Variants in DNA2 observed in about 807,000 individuals in gnomAD.
The protein encoded by DNA2 is DNA replication ATP-dependent helicase/nuclease DNA2.
A neutral mutation model predicts 119.1 loss-of-function variants in DNA2; 101 were observed. The observed-to-expected ratio is 0.85, with a 90% CI of 0.72 to 1.00. DNA2 has a LOEUF of 1.00. DNA2 is among the 50% of genes least tolerant of loss of function. The pLI is 0.00. For missense variants in DNA2, 1,121 were observed against 1,255.5 expected (o/e 0.89, Z 1.62); for synonymous variants, 366 against 424.4 (o/e 0.86, Z 1.69).
chr10:68,417,087 T>C (rs1391962580), intron 19 of DNA2, among the ~76,000 whole-genome samples: 1 of 151,750 alleles, frequency 6.6e-6, no homozygotes, highest in Non-Finnish European at 1.5e-5. Context: ...CTACAAAATA[T>C]ACAAAAATCA....
At position 68,455,474 on chromosome 10, in the gene DNA2, T is replaced by A. The variant is rs568327333; in HGVS notation, c.719+3630A>T. On this transcript the variant is annotated intron_variant, in intron 5 of 20. Transcript: ENST00000358410. The stretch of plus-strand genomic sequence containing the variant: ...AATCTATTCACTCTAGCTTTTTTCT[T>A]AGTGTAGGGAGCTGGTGGCAAATTT... Among the ~76,000 whole-genome samples the A allele has an allele frequency of 1.6e-4, 25 of 152,280 alleles. No individual in the cohort carries two copies. In the East Asian group the frequency reaches 4.2e-3, roughly 26 times the overall value.
chr10:68,471,483 G>A (rs2052380247), intron 1 of DNA2, among the ~76,000 whole-genome samples: 1 of 152,168 alleles, frequency 6.6e-6, no homozygotes, highest in African/African-American at 2.4e-5. Flanking sequence ...AAAAGCCTAC[G>A]GCGGTTGCAA....
At chr10:68,431,732 T>G (rs2051823762) in intron 13 of DNA2, 130 bp downstream of exon 13, 2 of 618,956 alleles carry the variant, frequency 3.2e-6, no homozygotes, top group South Asian at 2.4e-5. Flanking sequence ...CTCATCATTC[T>G]AAAAAGTTCA....
chr10:68,422,109 A>G (rs921800423), intron 17 of DNA2, 116 bp downstream of exon 17: 3 of 812,568 alleles, frequency 3.7e-6, no homozygotes, highest in Non-Finnish European at 3.7e-6. Context: ...CACCACGCCC[A>G]GCCTAGTTTT....
intron 18 of DNA2, chr10:68,419,468 T>A (rs1448592047): frequency 2.0e-6 from 1 of 500,238 alleles, no homozygotes; most frequent in African/African-American, 2.0e-5. Context: ...ACTAAAACAG[T>A]GCACACACAC....
chr10:68,470,922 C>T (rs1280692895), intron 1 of DNA2, among the ~76,000 whole-genome samples: 1 of 152,206 alleles, frequency 6.6e-6, no homozygotes, highest in Non-Finnish European at 1.5e-5. Flanking sequence ...CAATCCTTTA[C>T]AGAGTAATTC....
chr10:68,457,725 A>G lies in DNA2; in HGVS notation c.719+1379T>C, dbSNP rs139025029. Among the ~76,000 whole-genome samples, 935 of 150,956 alleles carry G rather than the reference A, an allele frequency of 6.2e-3. 10 individuals are homozygous for G. The highest frequency in any genetic ancestry group is 0.022 in the African/African-American group (889 of 41,340). ...ATATTTCCCCTATAAAATTATAACA[A>G]TGCCACTTTGAGAAAAAAAAAAAAA... On this transcript the variant is annotated intron_variant, in intron 5 of 20. Coordinates refer to ENST00000358410, the MANE Select transcript of DNA2 (RefSeq NM_001080449.3).
intron 6 of DNA2, among the ~76,000 whole-genome samples, chr10:68,446,823 T>C (rs2052046311): frequency 2.0e-5 from 3 of 151,998 alleles, no homozygotes; most frequent in East Asian, 1.9e-4. Flanking sequence ...TAGTAGAAGG[T>C]TGGTTACCAG....
intron 9 of DNA2, among the ~76,000 whole-genome samples, chr10:68,440,172 C>T (rs551674100): frequency 2.6e-4 from 39 of 151,346 alleles, no homozygotes; most frequent in African/African-American, 9.0e-4. Context: ...GGTGTGGTGG[C>T]ACGTGCCTGT....
intron 2 of DNA2, 135 bp from the exon 3 acceptor site, chr10:68,468,441 TA>T (rs953044590): frequency 0.028 from 11,755 of 415,598 alleles, no homozygotes; most frequent in East Asian, 0.038. Context: ...TCTGGGTCTT[TA>T]AAAAAAAAAA....
rs7894184 is a variant in DNA2 at position 68,452,866 on chromosome 10, G to A, written c.720-2619C>T. The stretch of plus-strand genomic sequence containing the variant: ...CCCAAAGTGCTGGGATTACAGTTAT[G>A]AGCCACCATGCGCGGCCACTATATG... On this transcript the variant is annotated intron_variant, in intron 5 of 20. Transcript: ENST00000358410. 7.0e-3 allele frequency among the ~76,000 whole-genome samples: 1,023 copies of A among 146,440 alleles called. 22 individuals carry two copies. The highest frequency in any genetic ancestry group is 0.025 in the African/African-American group (983 of 39,700).
At chr10:68,471,682 T>TCCCTGGG (rs1320686661) in intron 1 of DNA2, 109 bp downstream of exon 1, 2 of 1,346,368 alleles carry the variant, frequency 1.5e-6, no homozygotes, top group Non-Finnish European at 2.0e-6. Flanking sequence ...CTGCACCGGG[T>TCCCTGGG]CCCTGGGCCC....
intron 10 of DNA2, 26 bp from the exon 11 acceptor site, chr10:68,432,536 G>A: frequency 8.0e-7 from 1 of 1,243,192 alleles, no homozygotes; most frequent in Non-Finnish European, 1.1e-6. Flanking sequence ...AAATATACAT[G>A]AATGCTCGCC....
chr10:68,450,262 A>G lies in DNA2; in HGVS notation c.720-15T>C. Reference sequence around the variant, plus strand: ...TATCACTTGGCCTGAAAAAAAAAAAAGCACAAAAACACTTAATTAGAACTC... The same window carrying G: ...TATCACTTGGCCTGAAAAAAAAAAAGGCACAAAAACACTTAATTAGAACTC... On this transcript the variant is annotated splice_polypyrimidine_tract_variant and intron_variant, in intron 5 of 20. Coordinates refer to ENST00000358410, the MANE Select transcript of DNA2 (RefSeq NM_001080449.3). 2 of 1,493,336 alleles carry G rather than the reference A, an allele frequency of 1.3e-6. No individual in the cohort carries two copies. Among genetic ancestry groups the G allele is most frequent in the Non-Finnish European group, 1.8e-6 (2 of 1,097,160 alleles). 92.5% of individuals were successfully genotyped at this position (1,493,336 alleles called of 1,614,324 possible).
At chr10:68,463,853 A>G (rs2052292781) in intron 4 of DNA2, among the ~76,000 whole-genome samples, 1 of 152,206 alleles carries the variant, frequency 6.6e-6, no homozygotes, top group Non-Finnish European at 1.5e-5. Context: ...CAGCTTACCA[A>G]GACTGACAGA....
At position 68,471,933 on chromosome 10, in the gene DNA2, G is replaced by A. The variant is rs759267685; in HGVS notation, c.-69C>T. 3 of 1,613,562 alleles carry A rather than the reference G, an allele frequency of 1.9e-6. No individual in the cohort carries two copies. The South Asian group carries it at 3.3e-5, about 18-fold the overall frequency. On this transcript the variant is annotated 5_prime_UTR_variant, in exon 1 of 21. Coordinates refer to ENST00000358410, the MANE Select transcript of DNA2 (RefSeq NM_001080449.3). The stretch of plus-strand genomic sequence containing the variant: ...AACCGGGGGTAACACAGAAAGCTTA[G>A]AAAAGGGAAAAAGGCGCGAGCCTGC...
intron 20 of DNA2, among the ~76,000 whole-genome samples, chr10:68,416,162 G>A (rs2051586565): frequency 6.6e-6 from 1 of 152,112 alleles, no homozygotes; most frequent in South Asian, 2.1e-4. Flanking sequence ...GTGAAGTTAG[G>A]CACCACTTCT....
intron 8 of DNA2, 138 bp from the exon 9 acceptor site, chr10:68,443,249 G>A: frequency 1.3e-6 from 1 of 755,514 alleles, no homozygotes; most frequent in Non-Finnish European, 2.0e-6. Flanking sequence ...TTCCTTAAAA[G>A]TCATTTAAAC....
chr10:68,450,218 G>T lies in DNA2; in HGVS notation c.749C>A (p.Thr250Lys). 1 of 1,583,972 alleles carries T rather than the reference G, an allele frequency of 6.3e-7. No homozygotes were observed. Among genetic ancestry groups the T allele is most frequent in the Non-Finnish European group, 8.6e-7 (1 of 1,163,604 alleles). The change falls in exon 6 of 21, where the codon ACA (threonine) becomes AAA (lysine). Residue 250 changes from threonine to lysine, a missense_variant. Physicochemically the swap from Thr to Lys is moderately conservative, Grantham distance 78 (BLOSUM62 -1). Transcript: ENST00000358410. ...TGGTTTCACGACTTCAATGTTACAT[G>T]TTGAATTATCCTTACTATTATCACT... ...LPSDNSKDNS[T>K]CNIEVVKPMD...
Sources: gnomAD v4.1 joint callset for allele counts (sites outside exome capture counted in the v4.1 genomes callset) on GRCh38, gnomAD v4.1.1 for gene constraint, MANE v1.5 for transcripts, NCBI Gene and HGNC (gene_info 2026-07-23, HGNC 2026-07-21) for gene names.